Variants in GGNBP2 observed in about 807,000 individuals in gnomAD.
GGNBP2 encodes gametogenetin binding protein 2.
In GGNBP2, 10 loss-of-function variants were observed where a neutral mutation model predicts 85.9. The ratio of observed to expected loss-of-function variants is 0.12; its 90% CI spans 0.07 to 0.20. The LOEUF is 0.20. GGNBP2 is among the 10% of genes least tolerant of loss of function. GGNBP2 has a pLI of 1.00. For missense variants in GGNBP2, 595 were observed against 857.8 expected, an observed-to-expected ratio of 0.69 and a Z score of 3.83; for synonymous variants, 287 against 285.7, an observed-to-expected ratio of 1.00 and a Z score of -0.05.
chr17:36,586,745 A>C (rs968510309), intron 12 of GGNBP2: 1 of 388,376 alleles, frequency 2.6e-6, no homozygotes, highest in Non-Finnish European at 4.8e-6. Flanking sequence ...CAGCTTCCTG[A>C]GTAGCTGGGA....
At chr17:36,560,421 A>C (rs1349376165) in intron 4 of GGNBP2, among the ~76,000 whole-genome samples, 7 of 152,134 alleles carry the variant, frequency 4.6e-5, no homozygotes, top group Non-Finnish European at 1.0e-4. Context: ...TGAGGTTTTT[A>C]TATATTTTTT....
At chr17:36,565,931 T>C (rs2074463846) in intron 5 of GGNBP2, among the ~76,000 whole-genome samples, 1 of 152,014 alleles carries the variant, frequency 6.6e-6, no homozygotes, top group African/African-American at 2.4e-5. Context: ...TAGAAGGATG[T>C]AGCATGGAAA....
rs1319514747 is a variant in GGNBP2 at position 36,557,533 on chromosome 17, A to G, written c.428+197A>G. Among the ~76,000 whole-genome samples the G allele has an allele frequency of 6.6e-5, 10 of 152,304 alleles. No homozygotes were observed. In the South Asian group the frequency reaches 1.9e-3, roughly 28 times the overall value. Reference sequence around the variant, plus strand: ...ACAGAAAGCAAATATTCAATTTGTCAGGGATGATAAGTTAGAAAAATCAGT... The same window carrying G: ...ACAGAAAGCAAATATTCAATTTGTCGGGGATGATAAGTTAGAAAAATCAGT... On this transcript the variant is annotated intron_variant, in intron 4 of 13. Transcript: ENST00000613102.
At chr17:36,585,168 G>A in intron 9 of GGNBP2, 132 bp from the exon 10 acceptor site, 1 of 706,104 alleles carries the variant, frequency 1.4e-6, no homozygotes, top group Non-Finnish European at 2.4e-6. Context: ...CTTTTGTACT[G>A]TCAGTGTAAA....
chr17:36,575,615 T>TAC (rs1232265283), intron 6 of GGNBP2, among the ~76,000 whole-genome samples: 2 of 64,920 alleles, frequency 3.1e-5, no homozygotes, highest in African/African-American at 1.9e-4. Flanking sequence ...TAATGTAACA[T>TAC]ATATATATAT....
chr17:36,547,181 A>G (rs538324112), intron 2 of GGNBP2: 1 of 152,330 alleles, frequency 6.6e-6, no homozygotes, highest in African/African-American at 2.4e-5. Flanking sequence ...GTATTTTTAA[A>G]TAGTTGAAAC....
chr17:36,586,270 A>G, intron 12 of GGNBP2, 72 bp downstream of exon 12: 3 of 1,538,944 alleles, frequency 1.9e-6, no homozygotes, highest in African/African-American at 1.4e-5. Context: ...TTGGAGTGGC[A>G]TATGTGCAGC....
chr17:36,554,969 T>C (rs1191332185), intron 3 of GGNBP2, 69 bp downstream of exon 3: 11 of 955,656 alleles, frequency 1.2e-5, no homozygotes, highest in Middle Eastern at 5.0e-4. Context: ...AAAATTTAGC[T>C]GTATTAATTT....
chr17:36,575,162 C>A lies in GGNBP2; in HGVS notation c.642-2821C>A, dbSNP rs1320611699. 9 of 666,952 alleles carry A rather than the reference C, an allele frequency of 1.3e-5. No individual in the cohort carries two copies. The Admixed American group carries it at 1.5e-4, about 11-fold the overall frequency. 41.3% of individuals were successfully genotyped at this position (666,952 alleles called of 1,614,324 possible). ...GCGGCCCAGCTTGGTGATAGGCATC[C>A]ACTCTTTATCCTCGGCCTTGCCTCC... On this transcript the variant is annotated intron_variant, in intron 6 of 13. Coordinates refer to ENST00000613102, the MANE Select transcript of GGNBP2 (RefSeq NM_024835.5).
At position 36,586,212 on chromosome 17, in the gene GGNBP2, C is replaced by A. The variant is rs767078762; in HGVS notation, c.1641+14C>A. On this transcript the variant is annotated intron_variant, in intron 12 of 13. Transcript: ENST00000613102. ...TGTGATGAACATGTAAGTGTCATAA[C>A]TTGTAATTCTTAAACCTTTGCTGTT... is the stretch of plus-strand genomic sequence containing the variant. 1.5e-5 allele frequency: 24 copies of A among 1,606,896 alleles called. No individual in the cohort carries two copies. In the South Asian group the frequency reaches 2.6e-4, roughly 18 times the overall value.
chr17:36,564,619 A>G (rs1190868473), intron 5 of GGNBP2, among the ~76,000 whole-genome samples: 1 of 152,160 alleles, frequency 6.6e-6, no homozygotes, highest in Non-Finnish European at 1.5e-5. Flanking sequence ...AGCTTCAGTT[A>G]TTCCCACAGG....
intron 13 of GGNBP2, among the ~76,000 whole-genome samples, chr17:36,588,918 TTTAA>T (rs771620294): frequency 4.6e-5 from 7 of 152,142 alleles, no homozygotes; most frequent in Admixed American, 2.0e-4. Context: ...TTGTAACATC[TTTAA>T]TTAGTTATTT....
chr17:36,566,543 G>A (rs983300841), intron 5 of GGNBP2, among the ~76,000 whole-genome samples: 54 of 151,952 alleles, frequency 3.6e-4, no homozygotes, highest in Non-Finnish European at 1.0e-4. Flanking sequence ...ACCTGGTGTG[G>A]TGGTACACGC....
chr17:36,580,374 A>AT (rs71159623), intron 8 of GGNBP2, among the ~76,000 whole-genome samples: 1 of 151,264 alleles, frequency 6.6e-6, no homozygotes, highest in East Asian at 2.0e-4. Flanking sequence ...CGCTCGGCTA[A>AT]TTTTTTGTGT....
At chr17:36,559,167 C>T (rs950638809) in intron 4 of GGNBP2, among the ~76,000 whole-genome samples, 1 of 149,590 alleles carries the variant, frequency 6.7e-6, no homozygotes, top group Non-Finnish European at 1.5e-5. Flanking sequence ...GGCGTGGTGG[C>T]AGGCACCTGT....
Position 36,557,305 on chromosome 17 carries a change from A to G in GGNBP2, c.397A>G (p.Lys133Glu), listed in dbSNP as rs2074372185. The G allele has an allele frequency of 1.2e-6, 2 of 1,613,740 alleles. No individual in the cohort carries two copies. Among genetic ancestry groups the G allele is most frequent in the African/African-American group, 1.3e-5 (1 of 74,922 alleles). ...AACTAGAAGCTGCATGACTGATGCA[A>G]AGAAGCTTTATACATTATTTTATGT... ...SVTRSCMTDAKKLYTLFYVHG... is the reference protein window; with the variant it reads ...SVTRSCMTDAEKLYTLFYVHG... The change falls in exon 4 of 14, where the codon AAG becomes GAG. Residue 133 changes from lysine (K) to glutamate (E), a missense_variant. Physicochemically the swap from Lys to Glu is moderately conservative, Grantham distance 56. Transcript: ENST00000613102.
At chr17:36,549,467 A>G (rs1050654632) in intron 2 of GGNBP2, among the ~76,000 whole-genome samples, 1 of 152,194 alleles carries the variant, frequency 6.6e-6, no homozygotes, top group African/African-American at 2.4e-5. Context: ...CGGCCTCCCA[A>G]AGTGCTGGGA....
chr17:36,566,043 C>T (rs1021762762), intron 5 of GGNBP2, among the ~76,000 whole-genome samples: 3 of 152,192 alleles, frequency 2.0e-5, no homozygotes, highest in African/African-American at 7.2e-5. Context: ...GGATAACTTA[C>T]ATTTTAGGCA....
At chr17:36,576,611 G>GTA (rs1222645622) in intron 6 of GGNBP2, 1 of 119,990 alleles carries the variant, frequency 8.3e-6, no homozygotes, top group African/African-American at 3.6e-5. Context: ...GTGTGTGTGT[G>GTA]TGTGTGTGTG....
Sources: gnomAD v4.1 joint callset for allele counts (sites outside exome capture counted in the v4.1 genomes callset) on GRCh38, gnomAD v4.1.1 for gene constraint, MANE v1.5 for transcripts, NCBI Gene and HGNC (gene_info 2026-07-23, HGNC 2026-07-21) for gene names.